Variants in PRCP observed in about 807,000 individuals in gnomAD.
PRCP encodes lysosomal Pro-X carboxypeptidase.
Under a neutral mutation model 54.2 loss-of-function variants are expected in PRCP, and 46 were observed. That is an observed-to-expected ratio of 0.85 (90% CI 0.67 to 1.09). The LOEUF (loss-of-function observed/expected upper bound fraction) is 1.09. PRCP is among the 50% of genes least tolerant of loss of function. The pLI, the probability that PRCP is intolerant of heterozygous loss-of-function variation, is 0.00. For synonymous variants in PRCP, 240 were observed against 212.2 expected (o/e 1.13, Z -1.14); for missense variants, 613 against 596.8 (o/e 1.03, Z -0.28).
At chr11:82,859,098 T>A (rs889772072) in intron 2 of PRCP, among the ~76,000 whole-genome samples, 3 of 152,238 alleles carry the variant, frequency 2.0e-5, no homozygotes, top group African/African-American at 7.2e-5. Flanking sequence ...TTTAAGGTAG[T>A]TCACAACTAG....
At chr11:82,897,439 A>G (rs1169333864) in intron 1 of PRCP, among the ~76,000 whole-genome samples, 1 of 152,246 alleles carries the variant, frequency 6.6e-6, no homozygotes, top group African/African-American at 2.4e-5. Context: ...ATTGTAGAGT[A>G]CTAACGAGCT....
chr11:82,845,597 G>C (rs1467352803), intron 6 of PRCP: 1 of 152,122 alleles, frequency 6.6e-6, no homozygotes, highest in Non-Finnish European at 1.5e-5. Flanking sequence ...AAACCACCCA[G>C]AGAGGTCGCA....
At chr11:82,876,710 A>T (rs910640044) in intron 1 of PRCP, among the ~76,000 whole-genome samples, 4 of 152,144 alleles carry the variant, frequency 2.6e-5, no homozygotes, top group African/African-American at 9.7e-5. Context: ...CATGATTCTG[A>T]GGCCTCCCCA....
intron 1 of PRCP, among the ~76,000 whole-genome samples, chr11:82,898,885 C>A (rs1860180239): frequency 6.6e-6 from 1 of 152,238 alleles, no homozygotes; most frequent in Non-Finnish European, 1.5e-5. Context: ...TGGCACACGC[C>A]TGCAATCCCA....
chr11:82,880,408 G>A (rs1331255048), intron 1 of PRCP, among the ~76,000 whole-genome samples: 1 of 152,172 alleles, frequency 6.6e-6, no homozygotes, highest in East Asian at 1.9e-4. Context: ...TATTAGGGTG[G>A]GAGTGTCCCA....
In PRCP at chr11:82,824,814, C is replaced by A; in HGVS notation, c.*92G>T. ...TGGCCCCATCAAATCTAATGATAAA[C>A]AAAAGAAGGTAATTACATGTAGAAA... On this transcript the variant is annotated 3_prime_UTR_variant, in exon 9 of 9. Transcript: ENST00000313010. 2.3e-6 allele frequency: 3 copies of A among 1,302,200 alleles called. No individual in the cohort carries two copies. The highest frequency in any genetic ancestry group is 3.2e-6 in the Non-Finnish European group (3 of 941,428). The allele number at this position is 1,302,200 out of a possible 1,614,324, so 80.7% of individuals were successfully genotyped here. A position where few individuals can be genotyped will look rare whatever the true frequency, so the allele number is the denominator to read the frequency against.
chr11:82,883,676 A>G lies in PRCP; in HGVS notation c.168+16559T>C, dbSNP rs778563256. Among the ~76,000 whole-genome samples, 5 of 152,188 alleles carry G rather than the reference A, an allele frequency of 3.3e-5. 1 individual carries two copies. Among genetic ancestry groups the G allele is most frequent in the Non-Finnish European group, 5.9e-5 (4 of 68,026 alleles). On this transcript the variant is annotated intron_variant, in intron 1 of 8. Transcript: ENST00000313010. Reference sequence around the variant, plus strand: ...ACGTAAAAATAAATTCACAACATCAATTAGTGTTGACTGCACTTGTTAGAT... The same window carrying G: ...ACGTAAAAATAAATTCACAACATCAGTTAGTGTTGACTGCACTTGTTAGAT...
intron 1 of PRCP, among the ~76,000 whole-genome samples, chr11:82,872,570 C>T (rs549636848): frequency 3.1e-4 from 47 of 152,256 alleles, no homozygotes; most frequent in Non-Finnish European, 5.6e-4. Context: ...AGTCAAGCAG[C>T]TTCCAGCAAA....
Position 82,824,657 on chromosome 11 carries a change from G to A in PRCP, c.*249C>T, listed in dbSNP as rs989580537. The A allele has an allele frequency of 8.5e-6, 4 of 469,680 alleles. No homozygotes were observed. Among genetic ancestry groups the A allele is most frequent in the Non-Finnish European group, 1.5e-5 (4 of 258,574 alleles). 29.1% of individuals were successfully genotyped at this position (469,680 alleles called of 1,614,324 possible). ...CCAGGAACTCTACTCCAGTTATGAGGGCCACTGATGGTGTGGGAGAGCTAT... is the reference window on the plus strand; with the variant it reads ...CCAGGAACTCTACTCCAGTTATGAGAGCCACTGATGGTGTGGGAGAGCTAT... On this transcript the variant is annotated 3_prime_UTR_variant, in exon 9 of 9. Coordinates refer to ENST00000313010, the MANE Select transcript of PRCP (RefSeq NM_005040.4).
At chr11:82,900,071 G>C in intron 1 of PRCP, 164 bp downstream of exon 1, 1 of 875,196 alleles carries the variant, frequency 1.1e-6, no homozygotes, top group Non-Finnish European at 1.7e-6. Flanking sequence ...AATTTAAACA[G>C]AACTGGGATT....
intron 1 of PRCP, among the ~76,000 whole-genome samples, chr11:82,887,940 TC>T (rs1248947348): frequency 6.6e-6 from 1 of 152,158 alleles, no homozygotes; most frequent in Non-Finnish European, 1.5e-5. Flanking sequence ...CTAGGATCTT[TC>T]CCTTTTTGTT....
At chr11:82,837,844 T>A (rs1858563388) in intron 8 of PRCP, among the ~76,000 whole-genome samples, 1 of 152,230 alleles carries the variant, frequency 6.6e-6, no homozygotes, top group Non-Finnish European at 1.5e-5. Flanking sequence ...GATAGAAAGC[T>A]GGCTTTATCA....
upstream of PRCP, chr11:82,900,496 C>G (rs1156433352): frequency 6.8e-7 from 1 of 1,472,068 alleles, no homozygotes; most frequent in Non-Finnish European, 9.2e-7. Context: ...CAGCTCCGCC[C>G]GCCGCAAAAC....
chr11:82,846,553 T>G (rs5006164), intron 6 of PRCP, among the ~76,000 whole-genome samples: 1 of 151,682 alleles, frequency 6.6e-6, no homozygotes, highest in Non-Finnish European at 1.5e-5. Context: ...CAGTAAGAAA[T>G]AACTGAAGAG....
intron 6 of PRCP, chr11:82,839,723 C>T: frequency 5.9e-6 from 2 of 340,010 alleles, no homozygotes; most frequent in South Asian, 3.1e-5. Context: ...AAACCATTCC[C>T]CACCACACCA....
Position 82,838,498 on chromosome 11 carries a change from T to C in PRCP, c.1163A>G (p.Lys388Arg). ...TTGAAAACAGTCATCAGAAAGTTCC[T>C]TTAAGTTCCATGAGTGAGGTTCAAA... ...DMFEPHSWNL[K>R]ELSDDCFQQW... The change falls in exon 8 of 9, where the codon AAG becomes AGG. Residue 388 changes from lysine to arginine, a missense_variant. By Grantham distance (26) the Lys-to-Arg change is conservative. Transcript: ENST00000313010. The C allele has an allele frequency of 1.2e-6, 2 of 1,614,152 alleles. No individual in the cohort carries two copies. Among genetic ancestry groups the C allele is most frequent in the African/African-American group, 1.3e-5 (1 of 75,062 alleles).
chr11:82,861,913 T>C (rs1215361820), intron 1 of PRCP, among the ~76,000 whole-genome samples: 1 of 152,148 alleles, frequency 6.6e-6, no homozygotes, highest in African/African-American at 2.4e-5. Flanking sequence ...ATGATACAGG[T>C]TGAGCATCCC....
intron 8 of PRCP, chr11:82,828,574 A>G (rs1423079277): frequency 6.6e-6 from 1 of 152,056 alleles, no homozygotes; most frequent in Non-Finnish European, 1.5e-5. Context: ...TTTAATGCAA[A>G]CTCCATTTTG....
At chr11:82,850,535 T>C in intron 3 of PRCP, 30 bp from the exon 4 acceptor site, 2 of 1,482,344 alleles carry the variant, frequency 1.3e-6, no homozygotes, top group African/African-American at 1.4e-5. Flanking sequence ...AACACGGGTA[T>C]AAATGTGCAC....
Sources: allele counts gnomAD v4.1 joint callset (sites outside exome capture counted in the v4.1 genomes callset), GRCh38; gene constraint gnomAD v4.1.1; transcripts MANE v1.5; gene names NCBI Gene and HGNC (gene_info 2026-07-23, HGNC 2026-07-21).